Variants in IQSEC1 observed in about 807,000 individuals in gnomAD.
IQSEC1 encodes the protein IQ motif and Sec7 domain ArfGEF 1, also known as IQ motif and SEC7 domain-containing protein 1.
IQSEC1 carries 31 observed loss-of-function variants against 91.0 expected under a neutral mutation model. That is an observed-to-expected ratio of 0.34 (90% CI 0.26 to 0.46). IQSEC1 has a LOEUF of 0.46. Among genes scored for constraint, IQSEC1 ranks in the 20% least tolerant of loss-of-function variants. The pLI is 1.00. For missense variants in IQSEC1, 1,388 were observed against 1,575.6 expected, an observed-to-expected ratio of 0.88 and a Z score of 2.02; for synonymous variants, 699 against 662.6, an observed-to-expected ratio of 1.05 and a Z score of -0.84.
intron 1 of IQSEC1, among the ~76,000 whole-genome samples, chr3:13,183,082 T>G (rs1253906546): frequency 6.6e-6 from 1 of 151,954 alleles, no homozygotes; most frequent in African/African-American, 2.4e-5. Flanking sequence ...GAGAATCACT[T>G]GAACCTGGGA....
intron 2 of IQSEC1, among the ~76,000 whole-genome samples, chr3:13,130,323 G>A (rs1385967525): frequency 3.9e-5 from 5 of 128,040 alleles, no homozygotes; most frequent in Admixed American, 8.9e-5. Flanking sequence ...CAGCCTGGGC[G>A]ACAGAACGAG....
intron 1 of IQSEC1, among the ~76,000 whole-genome samples, chr3:13,269,673 G>A (rs1422842540): frequency 2.0e-5 from 3 of 152,200 alleles, no homozygotes; most frequent in Admixed American, 1.3e-4. Flanking sequence ...GCAGGGGCAG[G>A]ACAGCAGCCA....
intron 1 of IQSEC1, among the ~76,000 whole-genome samples, chr3:13,042,974 T>A (rs182210813): frequency 3.3e-5 from 5 of 152,248 alleles, no homozygotes; most frequent in Admixed American, 3.3e-4. Flanking sequence ...AAACTCACCA[T>A]GTAGCCACAT....
At chr3:13,056,894 G>T (rs1454138636) in intron 1 of IQSEC1, among the ~76,000 whole-genome samples, 1 of 151,994 alleles carries the variant, frequency 6.6e-6, no homozygotes, top group Non-Finnish European at 1.5e-5. Flanking sequence ...TCAAGCAGAA[G>T]GTCTCCCTCC....
Position 12,909,627 on chromosome 3 carries a change from T to C in IQSEC1, c.2417-193A>G, listed in dbSNP as rs567674266. 6.6e-6 allele frequency among the ~76,000 whole-genome samples: 1 copy of C among 152,348 alleles called. No individual in the cohort carries two copies. Among genetic ancestry groups the C allele is most frequent in the Admixed American group, 6.5e-5 (1 of 15,304 alleles). On this transcript the variant is annotated intron_variant, in intron 10 of 13. Coordinates refer to ENST00000613206, the MANE Select transcript of IQSEC1 (RefSeq NM_001134382.3). This position sits in a 1 kb window ranked among gnomAD's most constrained non-coding sequence, Gnocchi z 4.9. ...ATCTCCCGACTTGGGAAAGATGGTCTGTGTCGCTCCACATGTGACTCAGGG... is the reference window on the plus strand; with the variant it reads ...ATCTCCCGACTTGGGAAAGATGGTCCGTGTCGCTCCACATGTGACTCAGGG...
At chr3:12,905,112 G>A (rs1424418808) in intron 12 of IQSEC1, among the ~76,000 whole-genome samples, 2 of 152,222 alleles carry the variant, frequency 1.3e-5, no homozygotes, top group Non-Finnish European at 2.9e-5. Context: ...TATCCCATGC[G>A]TACGCAGCCT....
At chr3:13,233,455 C>T (rs1258342779) in intron 1 of IQSEC1, among the ~76,000 whole-genome samples, 2 of 152,228 alleles carry the variant, frequency 1.3e-5, no homozygotes, top group African/African-American at 2.4e-5. Context: ...CTGAGCCACC[C>T]GCTACCATTT....
chr3:12,957,734 G>A (rs998461261), intron 1 of IQSEC1, among the ~76,000 whole-genome samples: 2 of 152,198 alleles, frequency 1.3e-5, no homozygotes, highest in African/African-American at 4.8e-5. Flanking sequence ...AGACAATCTT[G>A]GTCTTTTTTA....
At chr3:13,251,081 C>G (rs2125116295) in intron 1 of IQSEC1, among the ~76,000 whole-genome samples, 1 of 152,306 alleles carries the variant, frequency 6.6e-6, no homozygotes, top group African/African-American at 2.4e-5. Context: ...TCAGTCACAC[C>G]AGCCTCCTTG....
At chr3:13,189,143 C>G (rs1693979603) in intron 1 of IQSEC1, among the ~76,000 whole-genome samples, 1 of 152,224 alleles carries the variant, frequency 6.6e-6, no homozygotes, top group Non-Finnish European at 1.5e-5. Flanking sequence ...GAGAGCTGTG[C>G]TCTGTGACCC....
At chr3:12,926,138 C>A (rs1697102659) in intron 3 of IQSEC1, among the ~76,000 whole-genome samples, 1 of 152,072 alleles carries the variant, frequency 6.6e-6, no homozygotes, top group Non-Finnish European at 1.5e-5. Context: ...TGGTGAAACC[C>A]CATCTCTACT....
intron 1 of IQSEC1, among the ~76,000 whole-genome samples, chr3:13,037,279 G>A (rs767326571): frequency 4.6e-5 from 7 of 152,136 alleles, no homozygotes; most frequent in Admixed American, 1.3e-4. Context: ...ACACTCATGT[G>A]CCATCCTGGT....
intron 4 of IQSEC1, among the ~76,000 whole-genome samples, chr3:12,923,024 G>A (rs1171933829): frequency 1.3e-5 from 2 of 152,114 alleles, no homozygotes; most frequent in African/African-American, 4.8e-5. Context: ...ATCTCCACAT[G>A]GGGGCGATGC....
intron 1 of IQSEC1, among the ~76,000 whole-genome samples, chr3:13,029,173 G>A (rs765225477): frequency 1.3e-5 from 2 of 152,220 alleles, no homozygotes; most frequent in Non-Finnish European, 2.9e-5. Flanking sequence ...CTTCCAGGGT[G>A]ACACAGCTCT....
chr3:13,276,640 TGGG>T (rs1695687271), intron 1 of IQSEC1, among the ~76,000 whole-genome samples: 1 of 152,092 alleles, frequency 6.6e-6, no homozygotes, highest in Non-Finnish European at 1.5e-5. Flanking sequence ...GAGCCACAGA[TGGG>T]GGCCTGCAGG....
rs917929578 is a variant in IQSEC1, at chr3:12,910,465, C to A, written c.2417-1031G>T. Among the ~76,000 whole-genome samples, 146 of 152,368 alleles carry A rather than the reference C, an allele frequency of 9.6e-4. 1 individual carries two copies. Among genetic ancestry groups the A allele is most frequent in the African/African-American group, 3.4e-3 (141 of 41,586 alleles). On this transcript the variant is annotated intron_variant, in intron 10 of 13. Coordinates refer to ENST00000613206, the MANE Select transcript of IQSEC1 (RefSeq NM_001134382.3). The stretch of plus-strand genomic sequence containing the variant: ...TAGCCCTGGGCAGCAGGGGTCAATG[C>A]CACCATCTCAGAGAGCAGGCTACTG...
In IQSEC1 at chr3:13,211,341, A is replaced by T. The variant is rs1694440871; in HGVS notation, c.273-47208T>A. Among the ~76,000 whole-genome samples the T allele has an allele frequency of 6.6e-6, 1 of 152,312 alleles. No individual in the cohort carries two copies. The highest frequency in any genetic ancestry group is 1.9e-4 in the East Asian group (1 of 5,178). Reference sequence around the variant, plus strand: ...TGCTCCTGAACCCAGGACTTCTAATAGCGTGCCCATGAAATTTACTGAATT... The same window carrying T: ...TGCTCCTGAACCCAGGACTTCTAATTGCGTGCCCATGAAATTTACTGAATT... On this transcript the variant is annotated intron_variant, in intron 1 of 15. Coordinates refer to the IQSEC1 transcript ENST00000648114. The surrounding 1 kb of genome is among the most constrained non-coding windows in gnomAD (Gnocchi z 5.3).
intron 1 of IQSEC1, among the ~76,000 whole-genome samples, chr3:13,266,497 T>C (rs1197855335): frequency 1.3e-5 from 2 of 151,820 alleles, no homozygotes; most frequent in African/African-American, 4.8e-5. Flanking sequence ...GCAGGGACTT[T>C]CTCATTAAAC....
At chr3:13,121,053 C>T (rs963997297) in intron 2 of IQSEC1, among the ~76,000 whole-genome samples, 2 of 152,224 alleles carry the variant, frequency 1.3e-5, no homozygotes, top group Non-Finnish European at 2.9e-5. Flanking sequence ...TCAGCAGCTC[C>T]CTATCCTGGA....
Sources: gnomAD v4.1 joint callset for allele counts (sites outside exome capture counted in the v4.1 genomes callset) on GRCh38, gnomAD v4.1.1 for gene constraint, Gnocchi (gnomAD v3.1) non-coding constraint, MANE v1.5 for transcripts, NCBI Gene and HGNC (gene_info 2026-07-23, HGNC 2026-07-21) for gene names.